The following TBC1D19 variants were observed in gnomAD, a reference collection of about 807,000 sequenced individuals.
The protein encoded by TBC1D19 is TBC1 domain family member 19.
A neutral mutation model predicts 89.0 loss-of-function variants in TBC1D19; 60 were observed. The ratio of observed to expected loss-of-function variants is 0.67; its 90% CI spans 0.55 to 0.84. The LOEUF is 0.84. TBC1D19 is among the 40% of genes least tolerant of loss of function. TBC1D19 has a pLI of 0.00. For missense variants in TBC1D19, 500 were observed against 610.8 expected (o/e 0.82, Z 1.91); for synonymous variants, 189 against 199.7 (o/e 0.95, Z 0.45).
chr4:26,602,446 T>G (rs994105305), intron 1 of TBC1D19, among the ~76,000 whole-genome samples: 143 of 139,778 alleles, frequency 1.0e-3, no homozygotes, highest in African/African-American at 3.4e-3. Context: ...TTTTTTTTTT[T>G]TTTTTTTTTT....
chr4:26,769,398 CT>C, the TBC1D19 span, among the ~76,000 whole-genome samples: 1 of 151,732 alleles, frequency 6.6e-6, no homozygotes, highest in Non-Finnish European at 1.5e-5. Context: ...AATAGAAAGG[CT>C]TTTTCTTATT....
intron 12 of TBC1D19, 55 bp from the exon 13 acceptor site, chr4:26,688,290 T>C: frequency 3.3e-6 from 5 of 1,520,804 alleles, no homozygotes; most frequent in Non-Finnish European, 4.4e-6. Context: ...TATGCTTTAG[T>C]ACTACAGACA....
At chr4:26,835,228 T>C in the TBC1D19 span, among the ~76,000 whole-genome samples, 5 of 152,276 alleles carry the variant, frequency 3.3e-5, no homozygotes, top group African/African-American at 1.2e-4. Flanking sequence ...GCAGCTCTAC[T>C]GGCTTTGAAG....
chr4:26,799,329 C>G, the TBC1D19 span, among the ~76,000 whole-genome samples: 2 of 151,912 alleles, frequency 1.3e-5, no homozygotes, highest in East Asian at 3.9e-4. Context: ...GAAGCAAGAC[C>G]CTGTCTCAAA....
the TBC1D19 span, among the ~76,000 whole-genome samples, chr4:26,773,678 C>G: frequency 6.6e-6 from 1 of 152,304 alleles, no homozygotes; most frequent in Non-Finnish European, 1.5e-5. Flanking sequence ...CAATTTTCTG[C>G]ATATGGCTAG....
chr4:26,662,911 A>C (rs1249734283), intron 8 of TBC1D19: 1 of 152,196 alleles, frequency 6.6e-6, no homozygotes, highest in African/African-American at 2.4e-5. Flanking sequence ...ACAAGAAGCA[A>C]AACATGGGAC....
chr4:26,713,249 A>G (rs1716325647), intron 13 of TBC1D19, among the ~76,000 whole-genome samples: 1 of 152,094 alleles, frequency 6.6e-6, no homozygotes, highest in Non-Finnish European at 1.5e-5. Flanking sequence ...ATCACAACAT[A>G]AAATTGACCA....
At chr4:26,644,939 A>G (rs887052741) in intron 7 of TBC1D19, among the ~76,000 whole-genome samples, 2 of 151,954 alleles carry the variant, frequency 1.3e-5, no homozygotes, top group East Asian at 1.9e-4. Context: ...AAACAAATGG[A>G]AGAACATTCC....
At chr4:26,717,421 T>C (rs1716697284) in intron 13 of TBC1D19, among the ~76,000 whole-genome samples, 1 of 152,068 alleles carries the variant, frequency 6.6e-6, no homozygotes, top group African/African-American at 2.4e-5. Context: ...TCTACCCTAC[T>C]GGTCAGGACA....
chr4:26,606,859 C>T (rs1741042630), intron 1 of TBC1D19, among the ~76,000 whole-genome samples: 1 of 152,162 alleles, frequency 6.6e-6, no homozygotes, highest in African/African-American at 2.4e-5. Flanking sequence ...CCTATGCCCT[C>T]ATTTGTACTT....
the TBC1D19 span, among the ~76,000 whole-genome samples, chr4:26,792,188 G>A: frequency 1.3e-5 from 2 of 150,934 alleles, no homozygotes; most frequent in Non-Finnish European, 3.0e-5. Flanking sequence ...TATCCTGGTT[G>A]TTGTGTGTAA....
the TBC1D19 span, among the ~76,000 whole-genome samples, chr4:26,854,726 C>CTT: frequency 2.4e-5 from 3 of 126,110 alleles, no homozygotes; most frequent in Non-Finnish European, 3.3e-5. Context: ...AATCTCCAGC[C>CTT]TTTTTTTTTT....
At chr4:26,619,211 T>C (rs1321604404) in intron 3 of TBC1D19, among the ~76,000 whole-genome samples, 4 of 151,464 alleles carry the variant, frequency 2.6e-5, no homozygotes, top group East Asian at 1.9e-4. Flanking sequence ...AAATTTCTTT[T>C]TTTTTTTTTT....
At chr4:26,822,641 C>G in the TBC1D19 span, among the ~76,000 whole-genome samples, 2 of 152,168 alleles carry the variant, frequency 1.3e-5, no homozygotes, top group African/African-American at 4.8e-5. Context: ...TTGATAACAG[C>G]AGGCTCGTTT....
the TBC1D19 span, among the ~76,000 whole-genome samples, chr4:26,856,947 T>C: frequency 6.6e-6 from 1 of 152,206 alleles, no homozygotes; most frequent in Non-Finnish European, 1.5e-5. Context: ...GTTAGTTAAA[T>C]CTAGAGTTTT....
intron 8 of TBC1D19, among the ~76,000 whole-genome samples, chr4:26,661,760 A>G (rs1745232954): frequency 6.6e-6 from 1 of 152,200 alleles, no homozygotes. Flanking sequence ...ACAGCATGAC[A>G]GTATACTAGC....
chr4:26,845,821 A>T, the TBC1D19 span, among the ~76,000 whole-genome samples: 1 of 152,200 alleles, frequency 6.6e-6, no homozygotes, highest in East Asian at 1.9e-4. Context: ...TTATAAAACC[A>T]TCAGATCTTA....
chr4:26,666,389 T>C lies in TBC1D19; in HGVS notation c.648T>C (p.Ser216=), dbSNP rs1214189935. Residue 216 remains serine, a synonymous_variant, in exon 9 of 21, where the codon TCT becomes TCC. Transcript: ENST00000264866. The stretch of plus-strand genomic sequence containing the variant: ...TAGGACAACTGGGTATAGATGATTC[T>C]ACACAAGTGCCTCCTGGTTAGTATT... ...LNIGQLGIDD[S]TQVPPELFEN... 3.1e-6 allele frequency: 5 copies of C among 1,610,004 alleles called. No individual in the cohort carries two copies. The highest frequency in any genetic ancestry group is 1.3e-5 in the African/African-American group (1 of 74,934).
chr4:26,665,700 A>C (rs1477283653), intron 8 of TBC1D19, among the ~76,000 whole-genome samples: 2 of 152,108 alleles, frequency 1.3e-5, no homozygotes, highest in Non-Finnish European at 2.9e-5. Context: ...GCACAAATAC[A>C]GGATCATAAT....
Sources: allele counts gnomAD v4.1 joint callset (sites outside exome capture counted in the v4.1 genomes callset), GRCh38; gene constraint gnomAD v4.1.1; transcripts MANE v1.5; gene names NCBI Gene and HGNC (gene_info 2026-07-23, HGNC 2026-07-21).